The following IQSEC3 variants were observed in gnomAD, a reference collection of about 807,000 sequenced individuals.
IQSEC3 encodes IQ motif and Sec7 domain ArfGEF 3, also known as IQ motif and SEC7 domain-containing protein 3.
A neutral mutation model predicts 105.4 loss-of-function variants in IQSEC3; 50 were observed. That is an observed-to-expected ratio of 0.47 (90% CI 0.38 to 0.60). The LOEUF (loss-of-function observed/expected upper bound fraction) is 0.60, where lower values mean the gene tolerates loss of function less well. IQSEC3 is among the 20% of genes least tolerant of loss of function. The pLI is 0.00. For synonymous variants in IQSEC3, 708 were observed against 746.0 expected (o/e 0.95, Z 0.83); for missense variants, 1,415 against 1,630.0 (o/e 0.87, Z 2.27).
In IQSEC3 at chr12:138,966, C is replaced by G. The variant is rs201912061; in HGVS notation, c.1603C>G (p.Arg535Gly). ...GKAEQGETSG[R>G]EAPEAPAVGR... Reference sequence around the variant, plus strand: ...GGCCGAGCAGGGCGAGACCTCTGGGCGGGAGGCCCCGGAAGCCCCCGCCGT... The same window carrying G: ...GGCCGAGCAGGGCGAGACCTCTGGGGGGGAGGCCCCGGAAGCCCCCGCCGT... Residue 535 changes from arginine to glycine, a missense_variant, in exon 4 of 14, where the codon CGG becomes GGG. By Grantham distance (125) the Arg-to-Gly change is moderately radical (BLOSUM62 -2). Around this residue, in one of 6 missense-constraint regions of IQSEC3, gnomAD observed 720 missense variants for 633.0 expected, o/e 1.14. Coordinates refer to ENST00000538872, the MANE Select transcript of IQSEC3 (RefSeq NM_001170738.2). This position sits in a 1 kb window ranked among gnomAD's most constrained non-coding sequence, Gnocchi z 7.1. 324 of 1,547,938 alleles carry G rather than the reference C, an allele frequency of 2.1e-4. No individual in the cohort carries two copies. The African/African-American group carries it at 3.6e-3, about 17-fold the overall frequency.
At chr12:81,180 C>G (rs1204948227) in intron 1 of IQSEC3, among the ~76,000 whole-genome samples, 2 of 152,136 alleles carry the variant, frequency 1.3e-5, no homozygotes, top group East Asian at 3.9e-4. Flanking sequence ...AGGGCCATGT[C>G]AAACATCCTG....
At chr12:109,036 C>T (rs1400870975) in intron 2 of IQSEC3, among the ~76,000 whole-genome samples, 1 of 152,260 alleles carries the variant, frequency 6.6e-6, no homozygotes, top group African/African-American at 2.4e-5. Flanking sequence ...GGAAACAGAA[C>T]TTTTATACAC....
intron 5 of IQSEC3, among the ~76,000 whole-genome samples, chr12:155,928 C>T (rs1866669258): frequency 1.3e-5 from 2 of 152,272 alleles, no homozygotes; most frequent in East Asian, 1.9e-4. Flanking sequence ...GCTTGGTCTG[C>T]GTCTCCCAAA....
intron 5 of IQSEC3, among the ~76,000 whole-genome samples, chr12:146,677 AAGAG>A (rs1279860601): frequency 2.7e-5 from 4 of 148,434 alleles, no homozygotes; most frequent in South Asian, 2.2e-4. Context: ...GAAAGAGAGA[AAGAG>A]AGAGAGAGAG....
chr12:127,249 G>A (rs1297481997), intron 3 of IQSEC3, among the ~76,000 whole-genome samples: 3 of 152,184 alleles, frequency 2.0e-5, no homozygotes, highest in African/African-American at 7.2e-5. Context: ...GGCCAGGCGT[G>A]GTGGCTCATA....
intron 2 of IQSEC3, among the ~76,000 whole-genome samples, chr12:102,185 C>T (rs891932131): frequency 6.7e-6 from 1 of 150,300 alleles, no homozygotes; most frequent in Non-Finnish European, 1.5e-5. Context: ...TGGCTCCTCC[C>T]CCGTCAGTCT....
intron 1 of IQSEC3, among the ~76,000 whole-genome samples, chr12:86,170 T>C (rs1461794353): frequency 6.6e-6 from 1 of 152,140 alleles, no homozygotes; most frequent in Non-Finnish European, 1.5e-5. Flanking sequence ...CTGAAGGAGT[T>C]CAGAGGTGGG....
intron 5 of IQSEC3, among the ~76,000 whole-genome samples, chr12:151,435 G>A (rs1398102838): frequency 6.6e-6 from 1 of 152,142 alleles, no homozygotes; most frequent in African/African-American, 2.4e-5. Context: ...AGATGCAGCT[G>A]GATCATTCAT....
intron 1 of IQSEC3, among the ~76,000 whole-genome samples, chr12:73,676 A>AAAAAG (rs1863414300): frequency 2.6e-5 from 4 of 152,220 alleles, no homozygotes; most frequent in South Asian, 2.1e-4. Context: ...TGACCCCAAA[A>AAAAAG]AAAAAGAAAA....
Position 138,454 on chromosome 12 carries a change from T to C in IQSEC3, c.1091T>C (p.Leu364Pro). The change falls in exon 4 of 14, where the codon CTG becomes CCG. Residue 364 changes from leucine to proline, a missense_variant. Coordinates refer to ENST00000538872, the MANE Select transcript of IQSEC3 (RefSeq NM_001170738.2). The surrounding 1 kb of genome is among the most constrained non-coding windows in gnomAD (Gnocchi z 7.1). ...GTGCGGTCACCCACGGCCGAGAGCC[T>C]GGCGGCCGAGAAAGCGCTCATGGAG... ...RKVRSPTAES[L>P]AAEKALMEGY... 4.4e-6 allele frequency: 7 copies of C among 1,603,182 alleles called. No individual in the cohort carries two copies. The highest frequency in any genetic ancestry group is 5.9e-6 in the Non-Finnish European group (7 of 1,178,844).
Position 174,665 on chromosome 12 carries a change from C to A in IQSEC3, c.3181C>A (p.Pro1061Thr). 6.3e-7 allele frequency: 1 copy of A among 1,589,550 alleles called. No individual in the cohort carries two copies. ...CGGGCTGGGGGCCGAGAGGGGAGCG[C>A]CGGTGCCGCCGCCAGACCTGCAGCC... ...NSGLGAERGA[P>T]VPPPDLQPSP... is the part of the protein sequence containing the mutation. Residue 1061 changes from proline to threonine, a missense_variant, in exon 14 of 14, where the codon CCG (proline) becomes ACG (threonine). Pro to Thr is a conservative substitution (Grantham distance 38). This residue lies in a region of IQSEC3 where 419 missense variants were observed against 436.2 expected (regional missense o/e 0.96). Transcript: ENST00000538872.
chr12:161,043 T>A (rs1325053470), intron 7 of IQSEC3, among the ~76,000 whole-genome samples: 1 of 152,166 alleles, frequency 6.6e-6, no homozygotes, highest in Non-Finnish European at 1.5e-5. Flanking sequence ...GGCTGCTGCA[T>A]GGCTCATTTG....
At chr12:172,341 C>T (rs913820420) in intron 13 of IQSEC3, among the ~76,000 whole-genome samples, 3 of 152,030 alleles carry the variant, frequency 2.0e-5, no homozygotes, top group African/African-American at 7.3e-5. Flanking sequence ...CCCCTCCACT[C>T]CCCATCCTCC....
chr12:171,582 G>A, intron 13 of IQSEC3: 1 of 572,524 alleles, frequency 1.7e-6, no homozygotes, highest in South Asian at 2.2e-5. Context: ...ATAGCGGGGA[G>A]CCTGGGCTCC....
chr12:176,616 C>G lies in IQSEC3; in HGVS notation c.*1583C>G, dbSNP rs1447965946. On this transcript the variant is annotated 3_prime_UTR_variant, in exon 14 of 14. Transcript: ENST00000538872. The surrounding 1 kb of genome is among the most constrained non-coding windows in gnomAD (Gnocchi z 4.0). The stretch of plus-strand genomic sequence containing the variant: ...CCAGAGGTTCCAGATGACCTAGTTT[C>G]GTTTTGTGTGTGTGTGTGTGTGGTC... The G allele has an allele frequency of 6.6e-6, 1 of 151,570 alleles. No homozygotes were observed. The highest frequency in any genetic ancestry group is 2.4e-5 in the African/African-American group (1 of 40,830). The allele number at this position is 151,570 out of a possible 1,614,324, so 9.4% of individuals were successfully genotyped here. A position where few individuals can be genotyped will look rare whatever the true frequency, so the allele number is the denominator to read the frequency against.
intron 1 of IQSEC3, among the ~76,000 whole-genome samples, chr12:98,558 GC>G (rs1864313013): frequency 6.6e-6 from 1 of 152,202 alleles, no homozygotes; most frequent in Admixed American, 6.5e-5. Context: ...GAACTGTAGA[GC>G]TGGGACTAGA....
Position 162,074 on chromosome 12 carries a change from C to T in IQSEC3, c.2583+9C>T. On this transcript the variant is annotated intron_variant, in intron 8 of 13. Coordinates refer to ENST00000538872, the MANE Select transcript of IQSEC3 (RefSeq NM_001170738.2). ...TTGTGGGCATGAAGACAGTGAGTGT[C>T]CACAAGCTACCTATCTCCCGTCTCC... The T allele has an allele frequency of 6.2e-7, 1 of 1,613,232 alleles. No homozygotes were observed. The highest frequency in any genetic ancestry group is 1.1e-5 in the South Asian group (1 of 91,022).
intron 7 of IQSEC3, among the ~76,000 whole-genome samples, chr12:158,317 T>C (rs1382889067): frequency 6.6e-6 from 1 of 152,248 alleles, no homozygotes; most frequent in Non-Finnish European, 1.5e-5. Flanking sequence ...GCAACCACTT[T>C]TGACTTTTTT....
chr12:166,406 T>G (rs1938652686), intron 11 of IQSEC3: 1 of 153,980 alleles, frequency 6.5e-6, no homozygotes, highest in Admixed American at 6.5e-5. Context: ...TCCCGCATCT[T>G]ACAGTAGTCT....
Sources: allele counts gnomAD v4.1 joint callset (sites outside exome capture counted in the v4.1 genomes callset), GRCh38; gene constraint gnomAD v4.1.1; regional missense constraint gnomAD v4.1.1; non-coding constraint Gnocchi (gnomAD v3.1); transcripts MANE v1.5; gene names NCBI Gene and HGNC (gene_info 2026-07-23, HGNC 2026-07-21).